The following MYO1B variants were observed in gnomAD, a reference collection of about 807,000 sequenced individuals.
The protein encoded by MYO1B is myosin IB.
A neutral mutation model predicts 159.7 loss-of-function variants in MYO1B; 72 were observed. The ratio of observed to expected loss-of-function variants is 0.45; its 90% confidence interval spans 0.37 to 0.55. The LOEUF (loss-of-function observed/expected upper bound fraction) is 0.55, where lower values mean the gene tolerates loss of function less well. Among genes scored for constraint, MYO1B ranks in the 20% least tolerant of loss-of-function variants. MYO1B has a pLI of 0.00. For synonymous variants in MYO1B, 468 were observed against 473.8 expected (o/e 0.99, Z 0.16); for missense variants, 1,062 against 1,364.8 (o/e 0.78, Z 3.50).
At chr2:191,263,837 G>A (rs1222203034) in intron 1 of MYO1B, among the ~76,000 whole-genome samples, 1 of 152,078 alleles carries the variant, frequency 6.6e-6, no homozygotes, top group East Asian at 1.9e-4. Flanking sequence ...AGAATATTTG[G>A]AAATTAGCAG....
At position 191,260,254 on chromosome 2, in the gene MYO1B, C is replaced by CTTTTT. The variant is rs57237733; in HGVS notation, c.-10+14637_-10+14641dup. On this transcript the variant is annotated intron_variant, in intron 1 of 30. Transcript: ENST00000392318. ...TAATATTACTTTTTTCCCAGATAGG[C>CTTTTT]TTTTTTTTTTTTTGAATTAAAGCTA... Among the ~76,000 whole-genome samples, 49 of 61,004 alleles carry CTTTTT rather than the reference C, an allele frequency of 8.0e-4. 12 individuals carry two copies. The highest frequency in any genetic ancestry group is 3.9e-3 in the Admixed American group (13 of 3,304). The allele number at this position is 61,004 out of a possible 152,430, so 40.0% of individuals were successfully genotyped here.
In MYO1B at chr2:191,301,137, A is replaced by G. The variant is rs561958548; in HGVS notation, c.251+4911A>G. ...ATCACTGGGTGGCATCCCCAAGGAA[A>G]TGTGGCTGTGCTGTGTGGCAGAGCC... is the stretch of plus-strand genomic sequence containing the variant. On this transcript the variant is annotated intron_variant, in intron 3 of 30. Transcript: ENST00000392318. Among the ~76,000 whole-genome samples the G allele has an allele frequency of 2.0e-5, 3 of 152,346 alleles. No homozygotes were observed. In the South Asian group the frequency reaches 6.2e-4, roughly 32 times the overall value.
chr2:191,282,377 A>ATGG (rs893759369), intron 2 of MYO1B, among the ~76,000 whole-genome samples: 6 of 152,172 alleles, frequency 3.9e-5, no homozygotes, highest in Admixed American at 6.5e-5. Context: ...TTGCAGGCTC[A>ATGG]TGGTGGTGGT....
At chr2:191,391,670 G>A (rs997065229) in intron 18 of MYO1B, among the ~76,000 whole-genome samples, 4 of 152,206 alleles carry the variant, frequency 2.6e-5, no homozygotes, top group African/African-American at 4.8e-5. Flanking sequence ...GTTCCTTAGC[G>A]TCCCGTTGGT....
At chr2:191,301,423 A>G (rs1168454480) in intron 3 of MYO1B, among the ~76,000 whole-genome samples, 3 of 105,770 alleles carry the variant, frequency 2.8e-5, no homozygotes, top group Non-Finnish European at 6.8e-5. Context: ...AAAATCTTAA[A>G]TGATCCAAAT....
At chr2:191,324,504 C>A (rs1690928240) in intron 3 of MYO1B, among the ~76,000 whole-genome samples, 1 of 152,068 alleles carries the variant, frequency 6.6e-6, no homozygotes, top group Non-Finnish European at 1.5e-5. Flanking sequence ...ATGTAGAAAC[C>A]TTCCAACCAT....
intron 1 of MYO1B, among the ~76,000 whole-genome samples, chr2:191,270,269 A>G (rs915269076): frequency 6.6e-6 from 1 of 152,230 alleles, no homozygotes; most frequent in Non-Finnish European, 1.5e-5. Context: ...AAGGATTTAG[A>G]CCGAAGCATA....
At chr2:191,247,978 T>A (rs992663308) in intron 1 of MYO1B, 25 of 985,408 alleles carry the variant, frequency 2.5e-5, no homozygotes, top group Non-Finnish European at 2.9e-5. Context: ...AGGAGGAACG[T>A]CTGACATCAT....
chr2:191,325,910 A>T (rs569520260), intron 3 of MYO1B, among the ~76,000 whole-genome samples: 5 of 152,232 alleles, frequency 3.3e-5, no homozygotes, highest in Admixed American at 2.6e-4. Context: ...CTGGAAACAT[A>T]CTTAGTGCTA....
At chr2:191,413,727 C>T (rs185704751) in intron 27 of MYO1B, among the ~76,000 whole-genome samples, 139 of 152,240 alleles carry the variant, frequency 9.1e-4, no homozygotes, top group South Asian at 7.5e-3. Context: ...ATTGCCTTTT[C>T]CTTCACATGA....
intron 1 of MYO1B, among the ~76,000 whole-genome samples, chr2:191,258,143 T>G (rs2125680143): frequency 6.6e-6 from 1 of 152,322 alleles, no homozygotes; most frequent in Non-Finnish European, 1.5e-5. Flanking sequence ...CAAAGTGGAC[T>G]TAACACAAAC....
intron 3 of MYO1B, among the ~76,000 whole-genome samples, chr2:191,296,816 T>C (rs1689011092): frequency 6.6e-6 from 1 of 152,232 alleles, no homozygotes; most frequent in Admixed American, 6.5e-5. Flanking sequence ...GAGTTCTTCG[T>C]TGACGTGCTT....
intron 13 of MYO1B, among the ~76,000 whole-genome samples, chr2:191,373,150 G>C (rs914050256): frequency 2.0e-4 from 30 of 152,116 alleles, no homozygotes; most frequent in African/African-American, 7.2e-4. Context: ...GCGCCGGCCT[G>C]GCTGCCTGTG....
chr2:191,352,174 A>G (rs992542991), intron 7 of MYO1B, among the ~76,000 whole-genome samples: 5 of 152,210 alleles, frequency 3.3e-5, no homozygotes, highest in African/African-American at 1.2e-4. Context: ...CTCTTTTTAC[A>G]ATATATGGCA....
intron 3 of MYO1B, among the ~76,000 whole-genome samples, chr2:191,325,453 G>T (rs181169113): frequency 8.5e-5 from 13 of 152,262 alleles, no homozygotes; most frequent in African/African-American, 2.9e-4. Context: ...ATTTAGTTCT[G>T]TTAAACACTT....
chr2:191,352,392 C>T (rs775674159), intron 7 of MYO1B, among the ~76,000 whole-genome samples: 1 of 152,042 alleles, frequency 6.6e-6, no homozygotes, highest in Non-Finnish European at 1.5e-5. Flanking sequence ...TATAGCTGAA[C>T]ATTTTGGAAT....
intron 10 of MYO1B, 59 bp from the exon 11 acceptor site, chr2:191,364,099 A>G: frequency 1.4e-6 from 2 of 1,418,664 alleles, no homozygotes; most frequent in South Asian, 1.2e-5. Flanking sequence ...AGCCTTCAAA[A>G]TTATTATTAG....
chr2:191,332,340 G>A (rs1223809124), intron 4 of MYO1B, among the ~76,000 whole-genome samples: 2 of 151,718 alleles, frequency 1.3e-5, no homozygotes, highest in East Asian at 3.9e-4. Context: ...TTTAAACCAA[G>A]TAAGATATTA....
chr2:191,257,210 C>T (rs543146637), intron 1 of MYO1B, among the ~76,000 whole-genome samples: 109 of 152,110 alleles, frequency 7.2e-4, no homozygotes, highest in African/African-American at 2.4e-3. Context: ...TGAAGTTGCC[C>T]TTTACTTACT....
Sources: gnomAD v4.1 joint callset for allele counts (sites outside exome capture counted in the v4.1 genomes callset) on GRCh38, gnomAD v4.1.1 for gene constraint, MANE v1.5 for transcripts, NCBI Gene and HGNC (gene_info 2026-07-23, HGNC 2026-07-21) for gene names.